Variants in LIPA observed in about 807,000 individuals in gnomAD.
LIPA encodes lipase A, lysosomal acid type.
Under a neutral mutation model 40.6 loss-of-function variants are expected in LIPA, and 26 were observed. The observed-to-expected ratio is 0.64, with a 90% CI of 0.47 to 0.89. LIPA has a LOEUF of 0.89. Among genes scored for constraint, LIPA ranks in the 40% least tolerant of loss-of-function variants. LIPA has a pLI of 0.00. For synonymous variants in LIPA, 188 were observed against 168.4 expected (o/e 1.12, Z -0.90); for missense variants, 455 against 479.6 (o/e 0.95, Z 0.48).
At chr10:89,397,190 A>T (rs1014776897) in intron 2 of LIPA, among the ~76,000 whole-genome samples, 1 of 152,012 alleles carries the variant, frequency 6.6e-6, no homozygotes. Flanking sequence ...TAATATTTCC[A>T]GTTTGTTGCT....
chr10:89,226,661 G>A (rs888842725), intron 5 of LIPA, among the ~76,000 whole-genome samples: 1 of 152,044 alleles, frequency 6.6e-6, no homozygotes, highest in Admixed American at 6.6e-5. Context: ...CTTCATCTAG[G>A]AAAACATGTA....
chr10:89,244,882 T>C (rs1461059261), intron 3 of LIPA, among the ~76,000 whole-genome samples: 1 of 152,136 alleles, frequency 6.6e-6, no homozygotes, highest in Non-Finnish European at 1.5e-5. Flanking sequence ...AAATCACAAA[T>C]GCATATATCC....
chr10:89,397,887 T>C (rs1782219693), intron 2 of LIPA, among the ~76,000 whole-genome samples: 2 of 152,214 alleles, frequency 1.3e-5, no homozygotes, highest in Non-Finnish European at 2.9e-5. Flanking sequence ...CATAAATAAA[T>C]CACAAATTGT....
intron 1 of LIPA, chr10:89,339,171 C>T (rs1843802993): frequency 6.2e-7 from 1 of 1,614,048 alleles, no homozygotes; most frequent in African/African-American, 1.3e-5. Flanking sequence ...ACCCAGAATT[C>T]TCCTCTGGAC....
intron 2 of LIPA, among the ~76,000 whole-genome samples, chr10:89,376,725 T>C (rs1844124783): frequency 6.6e-6 from 1 of 152,198 alleles, no homozygotes; most frequent in Admixed American, 6.5e-5. Flanking sequence ...CTGCTTCCTT[T>C]CAAATTACAC....
intron 2 of LIPA, among the ~76,000 whole-genome samples, chr10:89,380,108 C>T (rs796713197): frequency 4.6e-5 from 7 of 152,152 alleles, no homozygotes; most frequent in African/African-American, 1.4e-4. Context: ...CCTTTCATTC[C>T]CTGCTGCCTT....
At chr10:89,351,409 G>A (rs1843958059) in intron 2 of LIPA, among the ~76,000 whole-genome samples, 1 of 152,156 alleles carries the variant, frequency 6.6e-6, no homozygotes, top group African/African-American at 2.4e-5. Flanking sequence ...CCTAATCAGA[G>A]AAAAATCCAA....
intron 1 of LIPA, among the ~76,000 whole-genome samples, chr10:89,262,614 C>T (rs181227120): frequency 1.7e-4 from 26 of 152,280 alleles, no homozygotes; most frequent in African/African-American, 6.0e-4. Flanking sequence ...AAAGAATGGT[C>T]CCTGGCCCAG....
At chr10:89,358,592 TA>T (rs1844002090) in intron 2 of LIPA, among the ~76,000 whole-genome samples, 1 of 152,158 alleles carries the variant, frequency 6.6e-6, no homozygotes. Flanking sequence ...TATTCAACTA[TA>T]AAAAAGAATG....
intron 1 of LIPA, among the ~76,000 whole-genome samples, chr10:89,290,551 G>A (rs567525716): frequency 1.6e-4 from 25 of 152,300 alleles, no homozygotes; most frequent in Admixed American, 5.9e-4. Flanking sequence ...TGACCTGCAC[G>A]TATAAATCCA....
chr10:89,239,106 G>A (rs957740036), intron 3 of LIPA, among the ~76,000 whole-genome samples: 4 of 152,148 alleles, frequency 2.6e-5, no homozygotes, highest in African/African-American at 4.8e-5. Flanking sequence ...CACTTTACAC[G>A]CATTATCTCA....
At chr10:89,241,806 A>G (rs1842968485) in intron 3 of LIPA, among the ~76,000 whole-genome samples, 1 of 152,074 alleles carries the variant, frequency 6.6e-6, no homozygotes, top group Admixed American at 6.5e-5. Context: ...TGGTGTGTGT[A>G]TATATATATA....
At chr10:89,337,040 C>T (rs577411804) in intron 1 of LIPA, among the ~76,000 whole-genome samples, 1 of 152,292 alleles carries the variant, frequency 6.6e-6, no homozygotes, top group East Asian at 1.9e-4. Context: ...TTTGTTGCAA[C>T]AAATTCATTC....
chr10:89,310,020 A>G (rs1260708837), intron 1 of LIPA, among the ~76,000 whole-genome samples: 2 of 152,200 alleles, frequency 1.3e-5, no homozygotes, highest in Admixed American at 6.5e-5. Context: ...ACCCATATCC[A>G]TCAATGACCA....
rs116873652 is a variant in LIPA at position 89,304,335 on chromosome 10, A to T, written c.-2+38276T>A. 9.2e-3 allele frequency among the ~76,000 whole-genome samples: 1,399 copies of T among 152,274 alleles called. 13 individuals carry two copies. Among genetic ancestry groups the T allele is most frequent in the Middle Eastern group, 0.02 (6 of 294 alleles). ...AATGGCAGATGCATTCCCGTTGAAA[A>T]GCTCATGTCCAAACAGATCTGTTTT... is the stretch of plus-strand genomic sequence containing the variant. On this transcript the variant is annotated intron_variant, in intron 1 of 5. Transcript: ENST00000282673.
intron 1 of LIPA, among the ~76,000 whole-genome samples, chr10:89,281,611 A>G (rs1208835623): frequency 6.6e-6 from 1 of 152,254 alleles, no homozygotes; most frequent in Non-Finnish European, 1.5e-5. Context: ...ACCACTGGTA[A>G]GTGGTAGGAA....
At chr10:89,341,355 C>T (rs965397335) in intron 1 of LIPA, among the ~76,000 whole-genome samples, 1 of 152,322 alleles carries the variant, frequency 6.6e-6, no homozygotes, top group South Asian at 2.1e-4. Context: ...AAACTGCCAG[C>T]ATCTGACACG....
intron 3 of LIPA, among the ~76,000 whole-genome samples, chr10:89,234,026 C>A (rs1214443405): frequency 6.6e-6 from 1 of 152,210 alleles, no homozygotes; most frequent in Non-Finnish European, 1.5e-5. Flanking sequence ...TCTAACCCAG[C>A]AAGAAGAAGG....
At chr10:89,217,145 T>C (rs996653487) in intron 8 of LIPA, among the ~76,000 whole-genome samples, 1 of 152,226 alleles carries the variant, frequency 6.6e-6, no homozygotes, top group Admixed American at 6.5e-5. Flanking sequence ...GAATTTGAAA[T>C]GGTAAGTTTT....
Sources: gnomAD v4.1 joint callset for allele counts (sites outside exome capture counted in the v4.1 genomes callset) on GRCh38, gnomAD v4.1.1 for gene constraint, MANE v1.5 for transcripts, NCBI Gene and HGNC (gene_info 2026-07-23, HGNC 2026-07-21) for gene names.